Variants in TSPAN2 observed in about 807,000 individuals in gnomAD.
The protein encoded by TSPAN2 is tetraspanin-2.
Under a neutral mutation model 33.3 loss-of-function variants are expected in TSPAN2, and 24 were observed. The ratio of observed to expected loss-of-function variants is 0.72; its 90% CI spans 0.52 to 1.01. The LOEUF is 1.01. Ranked by LOEUF, TSPAN2 falls within the 50% of genes least tolerant of loss-of-function variation. The probability of loss-of-function intolerance (pLI) is 0.00; values close to 1 mark genes in which losing one functional copy is unlikely to be tolerated. For missense variants in TSPAN2, 278 were observed against 281.3 expected (o/e 0.99, Z 0.08); for synonymous variants, 114 against 104.5 (o/e 1.09, Z -0.56).
At chr1:115,057,405 C>T in intron 6 of TSPAN2, 132 bp downstream of exon 6, 3 of 855,190 alleles carry the variant, frequency 3.5e-6, no homozygotes, top group Non-Finnish European at 5.8e-6. Context: ...ATTCATTTTC[C>T]ATCAATCCTC....
chr1:115,058,944 T>C lies in TSPAN2; in HGVS notation c.383A>G (p.Tyr128Cys), dbSNP rs763487500. ...TCCCCTGTCTTTAAGGTAATCATTG[T>C]AAGCCTCTTCATACATGGTCTGAAC... The part of the protein sequence containing the change: ...RHVQTMYEEA[Y>C]NDYLKDRGKG... Residue 128 changes from tyrosine to cysteine, a missense_variant, in exon 5 of 8, where the codon TAC becomes TGC. By Grantham distance (194) the Tyr-to-Cys change is radical (BLOSUM62 -2). Coordinates refer to ENST00000369516, the MANE Select transcript of TSPAN2 (RefSeq NM_005725.6). The C allele has an allele frequency of 5.6e-6, 9 of 1,614,038 alleles. No individual in the cohort carries two copies. The highest frequency in any genetic ancestry group is 3.3e-5 in the Admixed American group (2 of 60,008).
intron 6 of TSPAN2, among the ~76,000 whole-genome samples, chr1:115,056,682 C>T (rs1224500246): frequency 6.6e-6 from 1 of 152,204 alleles, no homozygotes; most frequent in African/African-American, 2.4e-5. Context: ...TTTCCGAGCA[C>T]GTTGCACATT....
chr1:115,077,053 G>T (rs563875559), intron 1 of TSPAN2, among the ~76,000 whole-genome samples: 1 of 151,896 alleles, frequency 6.6e-6, no homozygotes, highest in South Asian at 2.1e-4. Flanking sequence ...CCAAGTAGCT[G>T]GGAATACAGG....
In TSPAN2 at chr1:115,050,342, C is replaced by A; in HGVS notation, c.*148G>T. The A allele has an allele frequency of 1.4e-6, 1 of 735,862 alleles. No homozygotes were observed. Among genetic ancestry groups the A allele is most frequent in the Non-Finnish European group, 2.4e-6 (1 of 422,772 alleles). 45.6% of individuals were successfully genotyped at this position (735,862 alleles called of 1,614,324 possible). A position where few individuals can be genotyped will look rare whatever the true frequency, so the allele number is the denominator to read the frequency against. ...ACTCAAGGGGTAAACCAGTAATGAGCCAAACATACGTACTCATGCAAATGT... is the reference window on the plus strand; with the variant it reads ...ACTCAAGGGGTAAACCAGTAATGAGACAAACATACGTACTCATGCAAATGT... On this transcript the variant is annotated 3_prime_UTR_variant, in exon 8 of 8. Coordinates refer to ENST00000369516, the MANE Select transcript of TSPAN2 (RefSeq NM_005725.6).
rs576343965 is a variant in TSPAN2 at position 115,082,658 on chromosome 1, C to G, written c.69+6706G>C. On this transcript the variant is annotated intron_variant, in intron 1 of 7. Transcript: ENST00000369516. Reference sequence around the variant, plus strand: ...CTGATCAGCAGTGTTCCCAACCTCTCTCCTTCCTGCTTCTTCTCCCATATG... The same window carrying G: ...CTGATCAGCAGTGTTCCCAACCTCTGTCCTTCCTGCTTCTTCTCCCATATG... Among the ~76,000 whole-genome samples, 9 of 152,294 alleles carry G rather than the reference C, an allele frequency of 5.9e-5. No homozygotes were observed. The South Asian group carries it at 8.3e-4, about 14-fold the overall frequency.
At chr1:115,062,044 G>T in intron 3 of TSPAN2, 91 bp downstream of exon 3, 7 of 1,113,294 alleles carry the variant, frequency 6.3e-6, no homozygotes, top group Non-Finnish European at 9.1e-6. Context: ...CCACGGAGGA[G>T]CTGGAGCCAG....
intron 6 of TSPAN2, among the ~76,000 whole-genome samples, chr1:115,056,484 T>C (rs866733194): frequency 1.3e-5 from 2 of 152,218 alleles, no homozygotes; most frequent in Admixed American, 6.5e-5. Context: ...ACACAAACCA[T>C]GTCATTTCTG....
chr1:115,077,750 A>G (rs1240593482), intron 1 of TSPAN2, among the ~76,000 whole-genome samples: 1 of 152,212 alleles, frequency 6.6e-6, no homozygotes, highest in East Asian at 1.9e-4. Context: ...TCTTGAGGAC[A>G]TATTTTTTCA....
chr1:115,052,020 G>T (rs899056755), intron 7 of TSPAN2, among the ~76,000 whole-genome samples: 3 of 152,112 alleles, frequency 2.0e-5, no homozygotes, highest in Non-Finnish European at 4.4e-5. Flanking sequence ...GCCTACTGCC[G>T]ACACGAGTCA....
chr1:115,081,876 C>A (rs1648636421), intron 1 of TSPAN2, among the ~76,000 whole-genome samples: 1 of 151,482 alleles, frequency 6.6e-6, no homozygotes, highest in Non-Finnish European at 1.5e-5. Flanking sequence ...ATTTTAGATC[C>A]ACACTCCCTC....
chr1:115,057,898 A>T (rs1231502197), intron 5 of TSPAN2, among the ~76,000 whole-genome samples: 1 of 152,244 alleles, frequency 6.6e-6, no homozygotes, highest in South Asian at 2.1e-4. Context: ...GCTACTTTTT[A>T]GAAAGGGGTT....
chr1:115,077,963 C>A (rs1319324780), intron 1 of TSPAN2, among the ~76,000 whole-genome samples: 1 of 152,230 alleles, frequency 6.6e-6, no homozygotes, highest in Non-Finnish European at 1.5e-5. Context: ...TTTCTAGTGA[C>A]TAAGTCCAGC....
At chr1:115,071,009 A>C (rs973656121) in intron 2 of TSPAN2, among the ~76,000 whole-genome samples, 3 of 152,138 alleles carry the variant, frequency 2.0e-5, no homozygotes, top group African/African-American at 4.8e-5. Context: ...TGCCCTGTGC[A>C]TACTTCCTGG....
intron 7 of TSPAN2, among the ~76,000 whole-genome samples, chr1:115,052,878 A>C (rs1353947849): frequency 1.3e-5 from 2 of 152,232 alleles, no homozygotes. Flanking sequence ...ATATATTAAC[A>C]GACGAGGAAA....
At chr1:115,076,125 T>A (rs571939332) in intron 1 of TSPAN2, among the ~76,000 whole-genome samples, 6 of 152,298 alleles carry the variant, frequency 3.9e-5, no homozygotes, top group African/African-American at 1.2e-4. Context: ...GCCACTGGCA[T>A]GCAGGAGGAA....
Position 115,089,468 on chromosome 1 carries a change from C to A in TSPAN2, c.-36G>T, listed in dbSNP as rs1012017959. 7.0e-7 allele frequency: 1 copy of A among 1,433,462 alleles called. No homozygotes were observed. Among genetic ancestry groups the A allele is most frequent in the Admixed American group, 2.5e-5 (1 of 40,134 alleles). The allele number at this position is 1,433,462 out of a possible 1,614,324, so 88.8% of individuals were successfully genotyped here. A position where few individuals can be genotyped will look rare whatever the true frequency, so the allele number is the denominator to read the frequency against. On this transcript the variant is annotated 5_prime_UTR_variant, in exon 1 of 8. Transcript: ENST00000369516. ...GGCGGCGGGATCCCCAGTCCCCAGG[C>A]CCGCGCTACGAGCGCGGGGAGCGGC...
intron 2 of TSPAN2, among the ~76,000 whole-genome samples, chr1:115,065,109 A>T (rs1469420562): frequency 6.6e-6 from 1 of 152,150 alleles, no homozygotes; most frequent in Admixed American, 6.5e-5. Context: ...TCTGTTTTGT[A>T]TGTGTGGGCC....
chr1:115,074,701 G>A (rs1413715333), intron 1 of TSPAN2, among the ~76,000 whole-genome samples: 10 of 152,126 alleles, frequency 6.6e-5, no homozygotes, highest in Admixed American at 6.5e-4. Context: ...TATTTCTCTT[G>A]TAACTTTAAA....
At chr1:115,087,476 C>T (rs983354025) in intron 1 of TSPAN2, among the ~76,000 whole-genome samples, 11 of 151,732 alleles carry the variant, frequency 7.2e-5, no homozygotes, top group African/African-American at 1.9e-4. Flanking sequence ...ACTAGCCAGA[C>T]GTGGCGGAGG....
Sources: allele counts gnomAD v4.1 joint callset (sites outside exome capture counted in the v4.1 genomes callset), GRCh38; gene constraint gnomAD v4.1.1; transcripts MANE v1.5; gene names NCBI Gene and HGNC (gene_info 2026-07-23, HGNC 2026-07-21).